COL6A6: variants seen among roughly 807,000 people sequenced by gnomAD.
COL6A6 encodes the protein collagen type VI alpha 6 chain.
COL6A6 carries 183 observed loss-of-function variants against 208.6 expected under a neutral mutation model. The ratio of observed to expected loss-of-function variants is 0.88; its 90% confidence interval spans 0.78 to 0.99. The LOEUF (loss-of-function observed/expected upper bound fraction) is 0.99, where lower values mean the gene tolerates loss of function less well. Among genes scored for constraint, COL6A6 ranks in the 50% least tolerant of loss-of-function variants. COL6A6 has a pLI of 0.00. For missense variants in COL6A6, 2,816 were observed against 2,815.2 expected (o/e 1.00, Z -0.01); for synonymous variants, 973 against 1,011.8 (o/e 0.96, Z 0.73).
chr3:130,614,252 A>G (rs1413120234), intron 23 of COL6A6, among the ~76,000 whole-genome samples: 1 of 152,158 alleles, frequency 6.6e-6, no homozygotes, highest in African/African-American at 2.4e-5. Flanking sequence ...CCTTTTCTCC[A>G]TTTATTGAGA....
intron 1 of COL6A6, among the ~76,000 whole-genome samples, chr3:130,554,230 A>G (rs1025024526): frequency 6.6e-6 from 1 of 152,220 alleles, no homozygotes; most frequent in African/African-American, 2.4e-5. Context: ...TGGCTGGTAT[A>G]GGGGTGCCAG....
chr3:130,594,292 G>A lies in COL6A6; in HGVS notation c.4482G>A (p.Gly1494=). ...KGDEGSQGSP[G]KRGTPGDRGA... ...TGTATTAACTTTAGGGAAGCCCAGG[G>A]AAGAGAGGGACTCCTGGTGACCGTG... Residue 1494 remains glycine (G), a synonymous_variant, in exon 18 of 37, where the codon GGG becomes GGA. Transcript: ENST00000358511. 1 of 1,612,888 alleles carries A rather than the reference G, an allele frequency of 6.2e-7. No homozygotes were observed. The highest frequency in any genetic ancestry group is 1.3e-5 in the African/African-American group (1 of 74,992).
chr3:130,661,379 T>G (rs1321302503), intron 34 of COL6A6, among the ~76,000 whole-genome samples: 1 of 152,172 alleles, frequency 6.6e-6, no homozygotes, highest in Non-Finnish European at 1.5e-5. Context: ...AAGATTAAAC[T>G]TCTGTTGAAA....
rs553769330 is a variant in COL6A6, at chr3:130,569,802, T to C, written c.2402-1016T>C. 1.6e-4 allele frequency among the ~76,000 whole-genome samples: 25 copies of C among 152,264 alleles called. 2 individuals are homozygous for C. In the South Asian group the frequency reaches 5.2e-3, roughly 32 times the overall value. ...ATTCCCAAGTACAGCCAGCCTTTCT[T>C]GGGAATTTTGTTGATGGCCCTGTAC... is the stretch of plus-strand genomic sequence containing the variant. On this transcript the variant is annotated intron_variant, in intron 6 of 36. Transcript: ENST00000358511.
At chr3:130,525,535 A>G (rs1416491588) in intron 1 of COL6A6, among the ~76,000 whole-genome samples, 2 of 152,144 alleles carry the variant, frequency 1.3e-5, no homozygotes, top group African/African-American at 4.8e-5. Flanking sequence ...GGATCTCACA[A>G]ATCGTTTCAA....
chr3:130,606,393 A>G (rs993536644), intron 20 of COL6A6, among the ~76,000 whole-genome samples: 2 of 151,994 alleles, frequency 1.3e-5, no homozygotes, highest in Admixed American at 1.3e-4. Flanking sequence ...TAATTCTTTC[A>G]TTTTTCTCAG....
At chr3:130,538,575 C>A (rs1364305822) in intron 1 of COL6A6, among the ~76,000 whole-genome samples, 3 of 152,234 alleles carry the variant, frequency 2.0e-5, no homozygotes, top group Admixed American at 6.5e-5. Context: ...GATGTGGTTA[C>A]TAACACCATT....
intron 36 of COL6A6, among the ~76,000 whole-genome samples, chr3:130,672,303 T>C (rs531532854): frequency 8.7e-4 from 132 of 152,314 alleles, no homozygotes; most frequent in Non-Finnish European, 1.3e-3. Context: ...ATTCTTTGTC[T>C]TGACAAGCTA....
chr3:130,568,564 TGAA>T lies in COL6A6; in HGVS notation c.2364_2366del (p.Glu788del), dbSNP rs776849020. 5 of 1,606,450 alleles carry T rather than the reference TGAA, an allele frequency of 3.1e-6. No individual in the cohort carries two copies. In the African/African-American group the frequency reaches 6.7e-5, roughly 21 times the overall value. On this transcript the variant is annotated inframe_deletion, in exon 6 of 37. Transcript: ENST00000358511. ...AGAATTTTGACATTCTGCAGCGCAT[TGAA>T]GATGATCTTGTTTTTGGAATATGCA...
intron 7 of COL6A6, among the ~76,000 whole-genome samples, chr3:130,572,080 TCTC>T (rs891187129): frequency 2.8e-4 from 43 of 152,200 alleles, no homozygotes; most frequent in African/African-American, 9.4e-4. Context: ...AGAAACAAAT[TCTC>T]CTCCTAAGAA....
intron 1 of COL6A6, among the ~76,000 whole-genome samples, chr3:130,530,772 G>A (rs2107700681): frequency 6.6e-6 from 1 of 152,244 alleles, no homozygotes; most frequent in East Asian, 1.9e-4. Context: ...GATTTCAAGT[G>A]CAGTAGATTA....
chr3:130,571,407 A>C lies in COL6A6; in HGVS notation c.2977+14A>C, dbSNP rs774486803. 1.3e-6 allele frequency: 2 copies of C among 1,526,268 alleles called. No homozygotes were observed. Among genetic ancestry groups the C allele is most frequent in the Admixed American group, 4.3e-5 (2 of 46,380 alleles). The allele number at this position is 1,526,268 out of a possible 1,614,324, so 94.5% of individuals were successfully genotyped here. ...CTTCAAAAGTAGGTAAGTTTTGCCA[A>C]CTAAGTTTTTCCTAATTATTAGCAG... On this transcript the variant is annotated intron_variant, in intron 7 of 36. Coordinates refer to ENST00000358511, the MANE Select transcript of COL6A6 (RefSeq NM_001102608.3).
intron 33 of COL6A6, among the ~76,000 whole-genome samples, chr3:130,654,452 T>C (rs990109562): frequency 2.6e-5 from 4 of 152,318 alleles, no homozygotes; most frequent in Admixed American, 6.5e-5. Context: ...ACTTAAAACA[T>C]TGCAAAGAGA....
At chr3:130,562,961 A>T (rs2062926343) in intron 2 of COL6A6, 107 bp from the exon 3 acceptor site, 3 of 775,958 alleles carry the variant, frequency 3.9e-6, no homozygotes, top group Admixed American at 2.5e-5. Flanking sequence ...TTGGGAAGGT[A>T]TTTTAAAAAT....
chr3:130,621,750 A>C, intron 23 of COL6A6, 71 bp from the exon 24 acceptor site: 1 of 1,336,150 alleles, frequency 7.5e-7, no homozygotes, highest in Non-Finnish European at 1.1e-6. Context: ...CTTTCCTCTT[A>C]TAAGACAGAG....
In COL6A6 at chr3:130,570,703, T is replaced by C. The variant is rs192636789; in HGVS notation, c.2402-115T>C. The stretch of plus-strand genomic sequence containing the variant: ...CTTATCCAGGGAACCGACATTCTAA[T>C]GCACAGCATGATCCCCTTGGAGAGA... On this transcript the variant is annotated intron_variant, in intron 6 of 36. Coordinates refer to ENST00000358511, the MANE Select transcript of COL6A6 (RefSeq NM_001102608.3). The C allele has an allele frequency of 4.1e-3, 3,031 of 742,046 alleles. 18 individuals are homozygous for C. The highest frequency in any genetic ancestry group is 0.027 in the Middle Eastern group (111 of 4,172). 46.0% of individuals were successfully genotyped at this position (742,046 alleles called of 1,614,324 possible). A position where few individuals can be genotyped will look rare whatever the true frequency, so the allele number is the denominator to read the frequency against.
At chr3:130,590,922 C>G in intron 12 of COL6A6, 119 bp from the exon 13 acceptor site, 1 of 760,692 alleles carries the variant, frequency 1.3e-6, no homozygotes. Flanking sequence ...AAGGAAGGAC[C>G]ATTTTTTTCA....
intron 3 of COL6A6, among the ~76,000 whole-genome samples, chr3:130,563,890 T>G (rs547368427): frequency 6.5e-4 from 99 of 152,310 alleles, no homozygotes; most frequent in African/African-American, 2.4e-3. Context: ...TGCCTGACAT[T>G]CACAGACTTC....
chr3:130,533,297 G>C (rs1432193088), intron 1 of COL6A6, among the ~76,000 whole-genome samples: 8 of 147,724 alleles, frequency 5.4e-5, no homozygotes, highest in Non-Finnish European at 1.2e-4. Flanking sequence ...AAGCACAGGT[G>C]CTCCACCTAA....
Sources: allele counts gnomAD v4.1 joint callset (sites outside exome capture counted in the v4.1 genomes callset), GRCh38; gene constraint gnomAD v4.1.1; transcripts MANE v1.5; gene names NCBI Gene and HGNC (gene_info 2026-07-23, HGNC 2026-07-21).